Variants in PALD1 observed in about 807,000 individuals in gnomAD.
PALD1 encodes phosphatase domain containing paladin 1.
Under a neutral mutation model 96.0 loss-of-function variants are expected in PALD1, and 57 were observed. The ratio of observed to expected loss-of-function variants is 0.59; its 90% CI spans 0.48 to 0.74. The LOEUF is 0.74. Among genes scored for constraint, PALD1 ranks in the 30% least tolerant of loss-of-function variants. PALD1 has a pLI of 0.00. For missense variants in PALD1, 1,063 were observed against 1,143.7 expected (o/e 0.93, Z 1.02); for synonymous variants, 464 against 473.6 (o/e 0.98, Z 0.26).
At chr10:70,489,421 G>A (rs1046335860) in intron 1 of PALD1, among the ~76,000 whole-genome samples, 17 of 152,308 alleles carry the variant, frequency 1.1e-4, no homozygotes, top group African/African-American at 4.1e-4. Context: ...ACAGTACAAA[G>A]TAGTGCCTTA....
At chr10:70,488,808 A>G (rs1412082276) in intron 1 of PALD1, among the ~76,000 whole-genome samples, 1 of 151,766 alleles carries the variant, frequency 6.6e-6, no homozygotes, top group African/African-American at 2.4e-5. Context: ...CATTGGATCA[A>G]AGGGGATCAG....
intron 17 of PALD1, among the ~76,000 whole-genome samples, chr10:70,543,835 G>C (rs1036025331): frequency 6.6e-6 from 1 of 152,138 alleles, no homozygotes; most frequent in African/African-American, 2.4e-5. Flanking sequence ...GCTCCCAGGA[G>C]GTAGGTGCTT....
chr10:70,549,653 C>CAAAG (rs2132419545), intron 18 of PALD1, among the ~76,000 whole-genome samples: 1 of 152,366 alleles, frequency 6.6e-6, no homozygotes, highest in African/African-American at 2.4e-5. Context: ...TTAGAGGCAG[C>CAAAG]AAAGGTGGTT....
Position 70,534,839 on chromosome 10 carries a change from C to A in PALD1, c.1223C>A (p.Ala408Asp). 6.2e-7 allele frequency: 1 copy of A among 1,604,182 alleles called. No individual in the cohort carries two copies. The highest frequency in any genetic ancestry group is 8.5e-7 in the Non-Finnish European group (1 of 1,172,466). Residue 408 changes from alanine (A) to aspartate (D), a missense_variant, in exon 10 of 20, where the codon GCC becomes GAC. Coordinates refer to ENST00000263563, the MANE Select transcript of PALD1 (RefSeq NM_014431.3). ...GAAGGTATCCGACCGGAGAGCCCAG[C>A]CCAGGTGAGGCATGGAAGGACGTGT... The part of the protein sequence containing the change: ...KLEGIRPESP[A>D]QGSGSRHSVW...
chr10:70,479,400 T>C (rs188444059), intron 1 of PALD1, among the ~76,000 whole-genome samples: 23 of 151,930 alleles, frequency 1.5e-4, no homozygotes, highest in Admixed American at 7.2e-4. Context: ...TAGGGGGAGA[T>C]TGGGGAGAGG....
At chr10:70,497,826 T>C (rs1331208709) in intron 1 of PALD1, among the ~76,000 whole-genome samples, 2 of 152,156 alleles carry the variant, frequency 1.3e-5, no homozygotes, top group Non-Finnish European at 2.9e-5. Flanking sequence ...CTGCCCGCCT[T>C]GGCCTCCCAA....
At chr10:70,552,137 G>A (rs1192260892) in intron 18 of PALD1, among the ~76,000 whole-genome samples, 1 of 152,220 alleles carries the variant, frequency 6.6e-6, no homozygotes, top group Non-Finnish European at 1.5e-5. Context: ...GGTGATGAAA[G>A]GTGCGCAGAG....
chr10:70,509,712 C>T (rs1846473398), intron 1 of PALD1, among the ~76,000 whole-genome samples: 1 of 152,156 alleles, frequency 6.6e-6, no homozygotes, highest in Non-Finnish European at 1.5e-5. Flanking sequence ...AGGGAAGGGC[C>T]TTAGGTCCTG....
chr10:70,558,153 C>T (rs897772375), intron 18 of PALD1, among the ~76,000 whole-genome samples: 1 of 151,798 alleles, frequency 6.6e-6, no homozygotes, highest in African/African-American at 2.4e-5. Context: ...GCTCTGTTGC[C>T]TGGGTTGCTG....
At position 70,488,638 on chromosome 10, in the gene PALD1, G is replaced by A. The variant is rs574591561; in HGVS notation, c.-30+9579G>A. 5.9e-5 allele frequency among the ~76,000 whole-genome samples: 9 copies of A among 152,252 alleles called. No individual in the cohort carries two copies. The South Asian group carries it at 8.3e-4, about 14-fold the overall frequency. On this transcript the variant is annotated intron_variant, in intron 1 of 19. Transcript: ENST00000263563. ...CTCAAACTCGGTCCATGGCTGTGGGGCCTGCTTTCATCCGGCCATGTATCA... is the reference window on the plus strand; with the variant it reads ...CTCAAACTCGGTCCATGGCTGTGGGACCTGCTTTCATCCGGCCATGTATCA...
intron 1 of PALD1, among the ~76,000 whole-genome samples, chr10:70,489,944 A>T (rs1846073328): frequency 6.7e-6 from 1 of 150,136 alleles, no homozygotes; most frequent in East Asian, 2.0e-4. Flanking sequence ...TTTTCTTGAG[A>T]TGGAGTCTCG....
chr10:70,565,031 G>A (rs942564415), intron 19 of PALD1, among the ~76,000 whole-genome samples: 2 of 152,250 alleles, frequency 1.3e-5, no homozygotes, highest in East Asian at 3.8e-4. Context: ...ACATGGAGGT[G>A]ATGTGGATCC....
At position 70,508,843 on chromosome 10, in the gene PALD1, C is replaced by CTGTGTGTGTG. The variant is rs61307157; in HGVS notation, c.-29-17075_-29-17066dup. 3.2e-4 allele frequency among the ~76,000 whole-genome samples: 30 copies of CTGTGTGTGTG among 94,612 alleles called. 3 individuals carry two copies. Among genetic ancestry groups the CTGTGTGTGTG allele is most frequent in the East Asian group, 1.1e-3 (4 of 3,594 alleles). 62.1% of individuals were successfully genotyped at this position (94,612 alleles called of 152,430 possible). Reference sequence around the variant, plus strand: ...TGCAGGCCTGTGGGAGCTGCGGAACCTGTGTGTGTGTGTGCAGGCCTGTGG... The same window carrying CTGTGTGTGTG: ...TGCAGGCCTGTGGGAGCTGCGGAACCTGTGTGTGTGTGTGTGTGTGTGTGCAGGCCTGTGG... On this transcript the variant is annotated intron_variant, in intron 1 of 19. Transcript: ENST00000263563.
At chr10:70,533,400 C>T (rs1847038440) in intron 7 of PALD1, among the ~76,000 whole-genome samples, 2 of 151,594 alleles carry the variant, frequency 1.3e-5, no homozygotes, top group South Asian at 4.2e-4. Context: ...TGTGTGTGTA[C>T]CTGTATGTAG....
chr10:70,535,312 G>C (rs922832587), intron 10 of PALD1, among the ~76,000 whole-genome samples: 2 of 152,198 alleles, frequency 1.3e-5, no homozygotes, highest in Non-Finnish European at 2.9e-5. Context: ...TACAGCGCAT[G>C]GAAAGAATCT....
chr10:70,549,904 C>G (rs79764471), intron 18 of PALD1, among the ~76,000 whole-genome samples: 195 of 152,270 alleles, frequency 1.3e-3, no homozygotes, highest in African/African-American at 4.4e-3. Flanking sequence ...GATTCTTACC[C>G]GCTCCCACCA....
At chr10:70,467,936 A>G in the PALD1 span, among the ~76,000 whole-genome samples, 1 of 152,102 alleles carries the variant, frequency 6.6e-6, no homozygotes, top group African/African-American at 2.4e-5. Flanking sequence ...GAAGTTCGCC[A>G]CCTGCCACCA....
intron 1 of PALD1, among the ~76,000 whole-genome samples, chr10:70,517,974 G>T (rs1466439141): frequency 6.6e-6 from 1 of 152,084 alleles, no homozygotes; most frequent in Non-Finnish European, 1.5e-5. Context: ...CGCAATCTCG[G>T]CTTACTGCAA....
rs115711182 is a variant in PALD1 at position 70,520,231 on chromosome 10, A to G, written c.-29-5692A>G. ...AGCCAGACTCTATTTTGGAAAAGCT[A>G]CCAGTCATCTTTTTCAAGCTCACTG... On this transcript the variant is annotated intron_variant, in intron 1 of 19. Transcript: ENST00000263563. 9.3e-3 allele frequency among the ~76,000 whole-genome samples: 1,413 copies of G among 152,176 alleles called. 28 individuals carry two copies. The highest frequency in any genetic ancestry group is 0.033 in the African/African-American group (1,355 of 41,506).
Sources: gnomAD v4.1 joint callset for allele counts (sites outside exome capture counted in the v4.1 genomes callset) on GRCh38, gnomAD v4.1.1 for gene constraint, MANE v1.5 for transcripts, NCBI Gene and HGNC (gene_info 2026-07-23, HGNC 2026-07-21) for gene names.